Variants in DNAH11 observed in about 807,000 individuals in gnomAD.
DNAH11 encodes the protein axonemal beta dynein heavy chain 11.
Under a neutral mutation model 526.0 loss-of-function variants are expected in DNAH11, and 442 were observed. The observed-to-expected ratio is 0.84, with a 90% CI of 0.78 to 0.91. The LOEUF (loss-of-function observed/expected upper bound fraction) is 0.91. Ranked by LOEUF, DNAH11 falls within the 40% of genes least tolerant of loss-of-function variation. The pLI is 0.00. For missense variants in DNAH11, 6,989 were observed against 5,448.7 expected, an observed-to-expected ratio of 1.28 and a Z score of -8.90; for synonymous variants, 2,461 against 1,935.9, an observed-to-expected ratio of 1.27 and a Z score of -7.12.
chr7:21,868,862 AGGCAAAAGACTT>A lies in DNAH11; in HGVS notation c.11842_11853del (p.Lys3948_Gly3951del). ...CTCTCACCGTGGTGTATTCTCCCAC[AGGCAAAAGACTT>A]GGCTTTACAATTGACTCTGGAAAAT... is the stretch of plus-strand genomic sequence containing the variant. On this transcript the variant is annotated splice_acceptor_variant and coding_sequence_variant, in exon 73 of 82. Transcript: ENST00000409508. LOFTEE classifies it high-confidence loss of function. 6.2e-7 allele frequency: 1 copy of A among 1,613,970 alleles called. No homozygotes were observed. Among genetic ancestry groups the A allele is most frequent in the Non-Finnish European group, 8.5e-7 (1 of 1,179,868 alleles).
chr7:21,763,196 G>A (rs1194127709), intron 54 of DNAH11, among the ~76,000 whole-genome samples: 2 of 151,938 alleles, frequency 1.3e-5, no homozygotes, highest in Non-Finnish European at 2.9e-5. Context: ...ACAAAAATTA[G>A]CCTGGCGTGG....
At chr7:21,560,973 G>C (rs554343975) in intron 4 of DNAH11, 98 bp from the exon 5 acceptor site, 12 of 837,660 alleles carry the variant, frequency 1.4e-5, no homozygotes, top group Non-Finnish European at 2.1e-5. Flanking sequence ...TGTATCACTT[G>C]TGAGTGAAAT....
chr7:21,735,956 G>T (rs541040669), intron 46 of DNAH11, 112 bp downstream of exon 46: 35 of 1,007,726 alleles, frequency 3.5e-5, no homozygotes, highest in Non-Finnish European at 4.6e-5. Context: ...GTTGTTGCTT[G>T]GGCCTTAGAT....
At chr7:21,802,717 C>T (rs1789048050) in intron 62 of DNAH11, among the ~76,000 whole-genome samples, 3 of 151,894 alleles carry the variant, frequency 2.0e-5, no homozygotes, top group South Asian at 2.1e-4. Flanking sequence ...CAAAAGGCCA[C>T]ATATCACATG....
chr7:21,563,557 C>A (rs1562663298), intron 5 of DNAH11, among the ~76,000 whole-genome samples: 1 of 152,094 alleles, frequency 6.6e-6, no homozygotes, highest in Non-Finnish European at 1.5e-5. Flanking sequence ...AAATAAACTT[C>A]ACATAACATA....
chr7:21,840,443 C>T (rs746081483), intron 65 of DNAH11, among the ~76,000 whole-genome samples: 1 of 151,926 alleles, frequency 6.6e-6, no homozygotes, highest in Non-Finnish European at 1.5e-5. Context: ...ATGAAGAATC[C>T]AAAATTTTCA....
At position 21,697,296 on chromosome 7, in the gene DNAH11, A is replaced by T. The variant is rs74344204; in HGVS notation, c.6042-779A>T. On this transcript the variant is annotated intron_variant, in intron 35 of 81. Transcript: ENST00000409508. ...CTTTTTGGAAGTCCCTCTCCAAAAG[A>T]AAGGGGATTTGAAGCTATGTTTTTC... Among the ~76,000 whole-genome samples the T allele has an allele frequency of 8.5e-3, 1,286 of 152,150 alleles. 107 individuals are homozygous for T. In the East Asian group the frequency reaches 0.2, roughly 23 times the overall value.
chr7:21,842,976 G>C (rs1782273624), intron 66 of DNAH11, among the ~76,000 whole-genome samples: 1 of 152,198 alleles, frequency 6.6e-6, no homozygotes, highest in African/African-American at 2.4e-5. Context: ...TCTGGATCTT[G>C]TTTGAGGGCA....
chr7:21,812,626 G>A (rs535669825), intron 63 of DNAH11, among the ~76,000 whole-genome samples: 1 of 152,094 alleles, frequency 6.6e-6, no homozygotes, highest in Non-Finnish European at 1.5e-5. Context: ...TGAACTCCAG[G>A]CTGGGTGACA....
intron 51 of DNAH11, among the ~76,000 whole-genome samples, chr7:21,746,362 G>A (rs559547039): frequency 6.6e-6 from 1 of 152,272 alleles, no homozygotes; most frequent in African/African-American, 2.4e-5. Context: ...CCAGCACTTT[G>A]GGAGGCTGAG....
At chr7:21,827,486 G>T (rs1044501030) in intron 65 of DNAH11, among the ~76,000 whole-genome samples, 3 of 151,388 alleles carry the variant, frequency 2.0e-5, no homozygotes, top group African/African-American at 7.3e-5. Flanking sequence ...ACTGCAATAT[G>T]TATTTCCGGT....
At chr7:21,718,672 C>A (rs959030707) in intron 43 of DNAH11, among the ~76,000 whole-genome samples, 1 of 152,068 alleles carries the variant, frequency 6.6e-6, no homozygotes, top group African/African-American at 2.4e-5. Context: ...GAAAAACTAT[C>A]CCCAGCCCTT....
chr7:21,713,540 T>C (rs1316387872), intron 42 of DNAH11, among the ~76,000 whole-genome samples: 1 of 152,174 alleles, frequency 6.6e-6, no homozygotes, highest in Non-Finnish European at 1.5e-5. Flanking sequence ...CAGGCATAGA[T>C]ACAATACCCA....
Position 21,901,137 on chromosome 7 carries a change from C to T in DNAH11, c.13434C>T (p.Cys4478=). Residue 4478 remains cysteine, a synonymous_variant, in exon 82 of 82, where the codon TGC becomes TGT. Transcript: ENST00000409508. ...AAGAAACCAAACAGACCTACGAGTG[C>T]CCTGTGTATAGAACCAAACTGAGAG... ...DRQETKQTYE[C]PVYRTKLRGP... is the part of the protein sequence containing the mutation. 3.1e-6 allele frequency: 5 copies of T among 1,613,218 alleles called. No individual in the cohort carries two copies. Among genetic ancestry groups the T allele is most frequent in the Non-Finnish European group, 4.2e-6 (5 of 1,179,372 alleles).
intron 20 of DNAH11, among the ~76,000 whole-genome samples, chr7:21,609,339 C>G (rs1424021951): frequency 1.3e-5 from 2 of 152,188 alleles, no homozygotes; most frequent in Non-Finnish European, 2.9e-5. Flanking sequence ...CCTCAACGTC[C>G]TGAGTAGCTG....
At chr7:21,872,138 A>AAAAAAAAACAAACAAAC (rs1783524546) in intron 73 of DNAH11, among the ~76,000 whole-genome samples, 6 of 129,002 alleles carry the variant, frequency 4.7e-5, no homozygotes, top group African/African-American at 1.4e-4. Flanking sequence ...AAAAAAAAAA[A>AAAAAAAAACAAACAAAC]AAAAAAAAAA....
At chr7:21,853,178 A>G (rs757742710) in intron 67 of DNAH11, among the ~76,000 whole-genome samples, 4 of 152,240 alleles carry the variant, frequency 2.6e-5, no homozygotes, top group East Asian at 1.9e-4. Context: ...CTAATGTCCA[A>G]CATGGGTCCC....
intron 65 of DNAH11, among the ~76,000 whole-genome samples, chr7:21,819,092 C>T (rs1002329542): frequency 1.1e-4 from 16 of 152,152 alleles, no homozygotes; most frequent in African/African-American, 3.6e-4. Flanking sequence ...AACTGGCACT[C>T]AAGAGACTCC....
chr7:21,866,623 C>G lies in DNAH11; in HGVS notation c.11650C>G (p.Leu3884Val), dbSNP rs748676766. Residue 3884 changes from leucine (L) to valine (V), a missense_variant, in exon 71 of 82, where the codon CTG becomes GTG. Transcript: ENST00000409508. ...KKSLIQKLIL[L>V]RAMRPDRMTY... is the part of the protein sequence containing the mutation. ...AAGTTTAATACAGAAGCTGATTCTT[C>G]TGAGAGCAATGCGCCCTGACAGAAT... The G allele has an allele frequency of 1.8e-5, 29 of 1,613,726 alleles. No homozygotes were observed. The Admixed American group carries it at 4.8e-4, about 27-fold the overall frequency.
Sources: gnomAD v4.1 joint callset for allele counts (sites outside exome capture counted in the v4.1 genomes callset) on GRCh38, gnomAD v4.1.1 for gene constraint, MANE v1.5 for transcripts, NCBI Gene and HGNC (gene_info 2026-07-23, HGNC 2026-07-21) for gene names.